CHST11: variants seen among roughly 807,000 people sequenced by gnomAD.
CHST11 encodes the protein C4S-1.
CHST11 carries 9 observed loss-of-function variants against 30.4 expected under a neutral mutation model. The observed-to-expected ratio is 0.30, with a 90% CI of 0.18 to 0.52. The LOEUF is 0.52. CHST11 is among the 20% of genes least tolerant of loss of function. The pLI, the probability that CHST11 is intolerant of heterozygous loss-of-function variation, is 0.97. For missense variants in CHST11, 348 were observed against 460.6 expected, an observed-to-expected ratio of 0.76 and a Z score of 2.24; for synonymous variants, 152 against 187.8, an observed-to-expected ratio of 0.81 and a Z score of 1.56.
chr12:104,737,242 C>T (rs1432694004), intron 2 of CHST11, among the ~76,000 whole-genome samples: 5 of 152,208 alleles, frequency 3.3e-5, no homozygotes, highest in East Asian at 1.9e-4. Context: ...TGCCATCCCC[C>T]GTGGGAATGA....
intron 1 of CHST11, among the ~76,000 whole-genome samples, chr12:104,523,695 C>A (rs1194671643): frequency 6.6e-6 from 1 of 152,126 alleles, no homozygotes; most frequent in East Asian, 1.9e-4. Flanking sequence ...GCAGCCTCAC[C>A]CTTACTGTAA....
chr12:104,751,176 C>T (rs952113233), intron 2 of CHST11, among the ~76,000 whole-genome samples: 1 of 152,204 alleles, frequency 6.6e-6, no homozygotes, highest in Non-Finnish European at 1.5e-5. Flanking sequence ...GTCCTGAATG[C>T]AGTATTAACT....
chr12:104,552,266 A>G (rs979752600), intron 1 of CHST11: 1 of 152,324 alleles, frequency 6.6e-6, no homozygotes, highest in African/African-American at 2.4e-5. Flanking sequence ...CCATTTGCCC[A>G]GATGTTCTTC....
intron 1 of CHST11, among the ~76,000 whole-genome samples, chr12:104,462,861 A>G (rs1849194210): frequency 6.6e-6 from 1 of 152,194 alleles, no homozygotes; most frequent in Admixed American, 6.5e-5. Flanking sequence ...ACCTCGATGG[A>G]GCATTTTCAT....
intron 2 of CHST11, among the ~76,000 whole-genome samples, chr12:104,661,750 C>T (rs907949739): frequency 1.5e-4 from 23 of 152,124 alleles, no homozygotes; most frequent in African/African-American, 5.3e-4. Flanking sequence ...GACCAGGACC[C>T]GGGATGCCTG....
chr12:104,488,445 A>ATG (rs1178493388), intron 1 of CHST11, among the ~76,000 whole-genome samples: 1 of 141,460 alleles, frequency 7.1e-6, no homozygotes. Context: ...GCATGTATGT[A>ATG]TGTGTGTATA....
chr12:104,556,248 G>A (rs1219731394), intron 1 of CHST11, among the ~76,000 whole-genome samples: 1 of 152,122 alleles, frequency 6.6e-6, no homozygotes, highest in Non-Finnish European at 1.5e-5. Flanking sequence ...AGAAACTGAG[G>A]CTCTGAGACC....
At chr12:104,642,372 A>G (rs1467265412) in intron 2 of CHST11, among the ~76,000 whole-genome samples, 2 of 152,068 alleles carry the variant, frequency 1.3e-5, no homozygotes, top group Non-Finnish European at 2.9e-5. Flanking sequence ...ACCTATGCGC[A>G]TTTCTTTTTT....
rs111781372 is a variant in CHST11, at chr12:104,739,166, C to T, written c.205-17783C>T. 7.0e-3 allele frequency among the ~76,000 whole-genome samples: 1,063 copies of T among 152,294 alleles called. 13 individuals are homozygous for T. Among genetic ancestry groups the T allele is most frequent in the African/African-American group, 0.024 (1,009 of 41,556 alleles). ...GGGTGCGGGCAAGAGCAGGCCTGAG[C>T]GTTCTCTCCCTCTCCACCTGGAACA... On this transcript the variant is annotated intron_variant, in intron 2 of 2. Transcript: ENST00000303694.
chr12:104,495,498 A>AT (rs150918318), intron 1 of CHST11, among the ~76,000 whole-genome samples: 8,945 of 151,134 alleles, frequency 0.059, 467 homozygotes, highest in African/African-American at 0.15. Context: ...TTCTAATTTT[A>AT]TTTTTTTTTG....
chr12:104,712,198 C>G (rs2040093964), intron 2 of CHST11, among the ~76,000 whole-genome samples: 2 of 152,096 alleles, frequency 1.3e-5, no homozygotes, highest in Admixed American at 6.5e-5. Context: ...TACTGTTACT[C>G]CTATTCCCAT....
intron 2 of CHST11, among the ~76,000 whole-genome samples, chr12:104,618,233 T>C (rs1251419860): frequency 6.7e-6 from 1 of 150,188 alleles, no homozygotes; most frequent in East Asian, 1.9e-4. Flanking sequence ...TCTTTTTTTT[T>C]TTTTTTTTAA....
Position 104,757,968 on chromosome 12 carries a change from C to T in CHST11, c.*165C>T. On this transcript the variant is annotated 3_prime_UTR_variant, in exon 3 of 3. Transcript: ENST00000303694. This position sits in a 1 kb window ranked among gnomAD's most constrained non-coding sequence, Gnocchi z 6.5. ...TAAAATCCTTCGTAGGGAAGGACAG[C>T]TGTCTTTGCAGGGGAAATAGGATGG... The T allele has an allele frequency of 1.3e-6, 1 of 764,626 alleles. No individual in the cohort carries two copies. Among genetic ancestry groups the T allele is most frequent in the Non-Finnish European group, 2.0e-6 (1 of 491,254 alleles). The allele number at this position is 764,626 out of a possible 1,614,324, so 47.4% of individuals were successfully genotyped here. A position where few individuals can be genotyped will look rare whatever the true frequency, so the allele number is the denominator to read the frequency against.
chr12:104,645,442 C>T (rs1045075493), intron 2 of CHST11, among the ~76,000 whole-genome samples: 1 of 152,176 alleles, frequency 6.6e-6, no homozygotes, highest in Admixed American at 6.5e-5. Context: ...GGAGCTCAGG[C>T]CTCCTATTCT....
rs1258284269 is a variant in CHST11, at chr12:104,759,048, T to A, written c.*1245T>A. The stretch of plus-strand genomic sequence containing the variant: ...CATTCAGCCTAGCACCACATCCCCA[T>A]GTAGAAGTGTTGTCTTCTACTGCTT... On this transcript the variant is annotated 3_prime_UTR_variant, in exon 3 of 3. Coordinates refer to ENST00000303694, the MANE Select transcript of CHST11 (RefSeq NM_018413.6). 6.6e-6 allele frequency: 1 copy of A among 152,178 alleles called. No homozygotes were observed. Among genetic ancestry groups the A allele is most frequent in the South Asian group, 2.1e-4 (1 of 4,836 alleles). The allele number at this position is 152,178 out of a possible 1,614,324, so 9.4% of individuals were successfully genotyped here. A position where few individuals can be genotyped will look rare whatever the true frequency, so the allele number is the denominator to read the frequency against.
At chr12:104,665,953 G>A (rs1175304404) in intron 2 of CHST11, among the ~76,000 whole-genome samples, 1 of 151,126 alleles carries the variant, frequency 6.6e-6, no homozygotes, top group Non-Finnish European at 1.5e-5. Context: ...CCGAGTAGCT[G>A]GGATTACAGG....
intron 2 of CHST11, among the ~76,000 whole-genome samples, chr12:104,716,365 G>T (rs79314189): frequency 0.013 from 2,045 of 152,324 alleles, 41 homozygotes; most frequent in African/African-American, 0.047. Context: ...GTGACCATGA[G>T]CACCTCATGC....
At chr12:104,492,994 G>A (rs916482745) in intron 1 of CHST11, among the ~76,000 whole-genome samples, 2 of 151,712 alleles carry the variant, frequency 1.3e-5, no homozygotes, top group African/African-American at 4.8e-5. Context: ...GATCACACCA[G>A]TGCACTCCAG....
At chr12:104,708,262 A>G (rs1463513345) in intron 2 of CHST11, among the ~76,000 whole-genome samples, 2 of 152,186 alleles carry the variant, frequency 1.3e-5, no homozygotes, top group African/African-American at 4.8e-5. Context: ...TGGTCAGGTT[A>G]CTTTATTTCA....
Sources: gnomAD v4.1 joint callset for allele counts (sites outside exome capture counted in the v4.1 genomes callset) on GRCh38, gnomAD v4.1.1 for gene constraint, Gnocchi (gnomAD v3.1) non-coding constraint, MANE v1.5 for transcripts, NCBI Gene and HGNC (gene_info 2026-07-23, HGNC 2026-07-21) for gene names.